ADK: variants seen among roughly 807,000 people sequenced by gnomAD.
ADK encodes the protein adenosine kinase, also known as N6,N6-dimethyladenosine kinase.
Under a neutral mutation model 44.7 loss-of-function variants are expected in ADK, and 24 were observed. The ratio of observed to expected loss-of-function variants is 0.54; its 90% CI spans 0.39 to 0.76. ADK has a LOEUF of 0.76. Among genes scored for constraint, ADK ranks in the 30% least tolerant of loss-of-function variants. The pLI is 0.00. For missense variants in ADK, 321 were observed against 425.1 expected (o/e 0.76, Z 2.15); for synonymous variants, 128 against 142.6 (o/e 0.90, Z 0.73).
At chr10:74,295,587 G>T (rs1258174953) in intron 3 of ADK, among the ~76,000 whole-genome samples, 1 of 151,896 alleles carries the variant, frequency 6.6e-6, no homozygotes, top group Admixed American at 6.6e-5. Flanking sequence ...ATGAACCGAT[G>T]TTCTTCATTT....
intron 6 of ADK, among the ~76,000 whole-genome samples, chr10:74,501,477 T>G (rs1847882381): frequency 6.6e-6 from 1 of 152,212 alleles, no homozygotes; most frequent in Admixed American, 6.5e-5. Flanking sequence ...TGTCAATTTC[T>G]GGATAAAAGG....
chr10:74,611,867 A>G (rs567206907), intron 9 of ADK, among the ~76,000 whole-genome samples: 10 of 152,174 alleles, frequency 6.6e-5, no homozygotes, highest in East Asian at 3.9e-4. Context: ...TCTTTATCCA[A>G]TCCGCTGTTG....
chr10:74,544,691 A>G (rs2133745024), intron 7 of ADK, among the ~76,000 whole-genome samples: 1 of 152,180 alleles, frequency 6.6e-6, no homozygotes, highest in Admixed American at 6.5e-5. Context: ...CCTGGCCAAC[A>G]TGGTGAAACC....
intron 4 of ADK, among the ~76,000 whole-genome samples, chr10:74,388,489 A>T (rs963337267): frequency 2.6e-5 from 4 of 152,192 alleles, no homozygotes; most frequent in Admixed American, 2.6e-4. Context: ...TTTCAAATCC[A>T]TGTACATAAT....
At chr10:74,225,970 G>A (rs1463473084) in intron 3 of ADK, among the ~76,000 whole-genome samples, 4 of 152,068 alleles carry the variant, frequency 2.6e-5, no homozygotes, top group Non-Finnish European at 5.9e-5. Flanking sequence ...AAAAATACCA[G>A]AAATCTGCTT....
chr10:74,324,384 A>G (rs1840935992), intron 4 of ADK, among the ~76,000 whole-genome samples: 1 of 152,186 alleles, frequency 6.6e-6, no homozygotes, highest in South Asian at 2.1e-4. Flanking sequence ...TCTTTGACCA[A>G]CATCTCTCCA....
rs369944024 is a variant in ADK, at chr10:74,537,229, GTTTC to G, written c.726+11807_726+11810del. Among the ~76,000 whole-genome samples, 36 of 152,228 alleles carry G rather than the reference GTTTC, an allele frequency of 2.4e-4. 1 individual carries two copies. The highest frequency in any genetic ancestry group is 6.8e-3 in the Middle Eastern group (2 of 294). On this transcript the variant is annotated intron_variant, in intron 7 of 10. Transcript: ENST00000539909. Reference sequence around the variant, plus strand: ...CAGAAATACATAGTGACAAATTTCTGTTTCTTTAATTTAAAATCTTTGGTAACCT... The same window carrying G: ...CAGAAATACATAGTGACAAATTTCTGTTTAATTTAAAATCTTTGGTAACCT...
chr10:74,318,548 T>C (rs1489633301), intron 4 of ADK, among the ~76,000 whole-genome samples: 1 of 152,204 alleles, frequency 6.6e-6, no homozygotes, highest in African/African-American at 2.4e-5. Flanking sequence ...AATAAAACTT[T>C]TTTTCAGTTT....
chr10:74,648,295 T>C (rs1241097723), intron 9 of ADK, among the ~76,000 whole-genome samples: 2 of 152,096 alleles, frequency 1.3e-5, no homozygotes, highest in Non-Finnish European at 2.9e-5. Context: ...GAAAGCCATA[T>C]GAAGAAATAA....
chr10:74,224,220 G>A (rs550478869), intron 2 of ADK, among the ~76,000 whole-genome samples: 290 of 152,304 alleles, frequency 1.9e-3, no homozygotes, highest in South Asian at 2.5e-3. Flanking sequence ...TATTTGTGAA[G>A]TCCAAAATAC....
intron 10 of ADK, among the ~76,000 whole-genome samples, chr10:74,693,483 C>G (rs143880622): frequency 2.6e-5 from 4 of 152,284 alleles, no homozygotes; most frequent in African/African-American, 9.6e-5. Context: ...TGGCCAGTGA[C>G]CTCACAGTTT....
intron 7 of ADK, among the ~76,000 whole-genome samples, chr10:74,587,966 A>G (rs1053870506): frequency 6.6e-6 from 1 of 152,134 alleles, no homozygotes; most frequent in Admixed American, 6.6e-5. Context: ...AGAACTTTGC[A>G]TATTAAAATT....
intron 10 of ADK, among the ~76,000 whole-genome samples, chr10:74,689,230 CA>C (rs1341113267): frequency 6.6e-6 from 1 of 151,576 alleles, no homozygotes; most frequent in Admixed American, 6.6e-5. Context: ...GCCTGGGTGG[CA>C]GAGCAAGACT....
chr10:74,454,447 G>A (rs1017162504), intron 6 of ADK, among the ~76,000 whole-genome samples: 1 of 152,026 alleles, frequency 6.6e-6, no homozygotes, highest in African/African-American at 2.4e-5. Context: ...GTAACTTTAT[G>A]CCATACTAAG....
intron 1 of ADK, among the ~76,000 whole-genome samples, chr10:74,166,298 A>G (rs1842032864): frequency 6.6e-6 from 1 of 152,196 alleles, no homozygotes; most frequent in Non-Finnish European, 1.5e-5. Flanking sequence ...GTGTTTAATT[A>G]AAATGTTCTA....
At chr10:74,655,967 G>A (rs1035961406) in intron 9 of ADK, 7 of 696,822 alleles carry the variant, frequency 1.0e-5, no homozygotes, top group African/African-American at 8.8e-5. Flanking sequence ...TCCTGGGCAA[G>A]GTGACTCTGG....
chr10:74,347,855 TC>T (rs1242991267), intron 4 of ADK, among the ~76,000 whole-genome samples: 1 of 152,114 alleles, frequency 6.6e-6, no homozygotes, highest in Non-Finnish European at 1.5e-5. Context: ...GTGGCCAGAC[TC>T]CCTGTCTAGA....
rs557206505 is a variant in ADK, at chr10:74,424,380, C to A, written c.555+25801C>A. Among the ~76,000 whole-genome samples the A allele has an allele frequency of 2.4e-3, 365 of 151,308 alleles. 2 individuals are homozygous for A. The highest frequency in any genetic ancestry group is 8.4e-3 in the African/African-American group (347 of 41,184). On this transcript the variant is annotated intron_variant, in intron 6 of 10. Coordinates refer to ENST00000539909, the MANE Select transcript of ADK (RefSeq NM_006721.4). The stretch of plus-strand genomic sequence containing the variant: ...AGAAACCCTGCCTCTACTAAAAATA[C>A]AAAATTAGCCGGGCATGGCAGCACA...
At chr10:74,387,410 A>T (rs1455764721) in intron 4 of ADK, among the ~76,000 whole-genome samples, 1 of 152,220 alleles carries the variant, frequency 6.6e-6, no homozygotes, top group Non-Finnish European at 1.5e-5. Context: ...AACAGGTAGA[A>T]AATCATTAGG....
Sources: gnomAD v4.1 joint callset for allele counts (sites outside exome capture counted in the v4.1 genomes callset) on GRCh38, gnomAD v4.1.1 for gene constraint, MANE v1.5 for transcripts, NCBI Gene and HGNC (gene_info 2026-07-23, HGNC 2026-07-21) for gene names.